Variants in SLC37A1 observed in about 807,000 individuals in gnomAD.
SLC37A1 encodes the protein glucose-6-phosphate exchanger SLC37A1.
In SLC37A1, 49 loss-of-function variants were observed where a neutral mutation model predicts 75.3. The ratio of observed to expected loss-of-function variants is 0.65; its 90% CI spans 0.52 to 0.83. The LOEUF (loss-of-function observed/expected upper bound fraction) is 0.83. SLC37A1 is among the 40% of genes least tolerant of loss of function. The pLI is 0.00. For missense variants in SLC37A1, 566 were observed against 695.0 expected, an observed-to-expected ratio of 0.81 and a Z score of 2.09; for synonymous variants, 268 against 292.1, an observed-to-expected ratio of 0.92 and a Z score of 0.84.
rs146604220 is a variant in SLC37A1, at chr21:42,567,002, G to A, written c.1288G>A (p.Gly430Arg). The change falls in exon 16 of 20, where the codon GGA becomes AGA. Residue 430 changes from glycine (G) to arginine (R), a missense_variant. Coordinates refer to ENST00000352133, the MANE Select transcript of SLC37A1 (RefSeq NM_001320537.2). Reference sequence around the variant, plus strand: ...TCCCACAGCCATGCTGCTGCTCAGCGGAGCCCTGGTCAGTGGGCCCTACAC... The same window carrying A: ...TCCCACAGCCATGCTGCTGCTCAGCAGAGCCCTGGTCAGTGGGCCCTACAC... ...EATIAMLLLS[G>R]ALVSGPYTLI... The A allele has an allele frequency of 1.1e-5, 18 of 1,607,936 alleles. No individual in the cohort carries two copies. Among genetic ancestry groups the A allele is most frequent in the African/African-American group, 5.3e-5 (4 of 74,922 alleles).
At chr21:42,541,685 A>C (rs1175056781) in intron 6 of SLC37A1, among the ~76,000 whole-genome samples, 2 of 152,250 alleles carry the variant, frequency 1.3e-5, no homozygotes, top group African/African-American at 4.8e-5. Flanking sequence ...CATGTTTATC[A>C]TACAATTCTA....
chr21:42,574,690 G>A, intron 17 of SLC37A1, 128 bp from the exon 18 acceptor site: 1 of 809,086 alleles, frequency 1.2e-6, no homozygotes, highest in Non-Finnish European at 2.0e-6. Flanking sequence ...GCCAGGATGA[G>A]GTAGTGTAGT....
chr21:42,536,493 A>G (rs1432552708), intron 5 of SLC37A1, among the ~76,000 whole-genome samples: 4 of 152,156 alleles, frequency 2.6e-5, no homozygotes, highest in Non-Finnish European at 5.9e-5. Context: ...TAAAGGCAGT[A>G]TAGGGATGTT....
intron 16 of SLC37A1, among the ~76,000 whole-genome samples, chr21:42,567,510 G>A (rs568016803): frequency 2.6e-4 from 39 of 152,340 alleles, no homozygotes; most frequent in African/African-American, 9.4e-4. Flanking sequence ...GTCTACATGG[G>A]CATGGAAAAT....
chr21:42,536,716 A>T (rs1256426616), intron 5 of SLC37A1, among the ~76,000 whole-genome samples: 3 of 152,182 alleles, frequency 2.0e-5, no homozygotes, highest in African/African-American at 7.2e-5. Flanking sequence ...TACAAAACAG[A>T]CACAGCACAG....
chr21:42,546,021 C>T (rs2055399389), intron 8 of SLC37A1, among the ~76,000 whole-genome samples: 1 of 152,232 alleles, frequency 6.6e-6, no homozygotes, highest in East Asian at 1.9e-4. Context: ...TCTATGATGT[C>T]ACCCTGTGTT....
chr21:42,534,727 G>T lies in SLC37A1; in HGVS notation c.168G>T (p.Trp56Cys). The T allele has an allele frequency of 6.2e-7, 1 of 1,613,960 alleles. No homozygotes were observed. The highest frequency in any genetic ancestry group is 8.5e-7 in the Non-Finnish European group (1 of 1,179,954). The change falls in exon 4 of 20, where the codon TGG (tryptophan) becomes TGT (cysteine). Residue 56 changes from tryptophan to cysteine, a missense_variant. Trp to Cys is a radical substitution (Grantham distance 215). Transcript: ENST00000352133. The part of the protein sequence containing the change: ...KGELHKYCTA[W>C]DEADVRFSSQ... The stretch of plus-strand genomic sequence containing the variant: ...AGCTCCACAAGTACTGCACTGCTTG[G>T]GATGAAGCTGACGTCAGGTTCAGCA...
intron 17 of SLC37A1, among the ~76,000 whole-genome samples, chr21:42,571,589 G>C (rs9941834): frequency 6.6e-6 from 1 of 151,786 alleles, no homozygotes; most frequent in Non-Finnish European, 1.5e-5. Context: ...GCTTACCTAC[G>C]TATTTCCATG....
At chr21:42,517,414 C>T (rs968012795) in intron 1 of SLC37A1, among the ~76,000 whole-genome samples, 1 of 152,146 alleles carries the variant, frequency 6.6e-6, no homozygotes, top group African/African-American at 2.4e-5. Context: ...TGAGGGGCGG[C>T]TCCTGGGACG....
chr21:42,544,913 C>T (rs2055369045), intron 8 of SLC37A1, among the ~76,000 whole-genome samples: 1 of 152,128 alleles, frequency 6.6e-6, no homozygotes, highest in Non-Finnish European at 1.5e-5. Flanking sequence ...GTGTCTCCTG[C>T]CTGAGGGTAG....
intron 3 of SLC37A1, among the ~76,000 whole-genome samples, chr21:42,533,374 A>G (rs1238445563): frequency 6.6e-6 from 1 of 152,204 alleles, no homozygotes; most frequent in Non-Finnish European, 1.5e-5. Context: ...GTGCAGAATG[A>G]TCACTACAGA....
upstream of SLC37A1, among the ~76,000 whole-genome samples, chr21:42,510,920 T>G (rs2054427260): frequency 6.6e-6 from 1 of 152,188 alleles, no homozygotes; most frequent in South Asian, 2.1e-4. Flanking sequence ...TACCCCATTT[T>G]CAACAATGAA....
rs556802735 is a variant in SLC37A1 at position 42,534,132 on chromosome 21, G to A, written c.139-566G>A. 2.0e-5 allele frequency among the ~76,000 whole-genome samples: 3 copies of A among 152,226 alleles called. No individual in the cohort carries two copies. The East Asian group carries it at 5.8e-4, about 29-fold the overall frequency. On this transcript the variant is annotated intron_variant, in intron 3 of 19. Coordinates refer to ENST00000352133, the MANE Select transcript of SLC37A1 (RefSeq NM_001320537.2). ...CCACATTGTCCCCCTTTAGGTAACC[G>A]TGACTCTCACCTCTAGCCGCATGGA...
At chr21:42,511,029 G>A (rs1423558753), upstream of SLC37A1, among the ~76,000 whole-genome samples, 2 of 152,180 alleles carry the variant, frequency 1.3e-5, no homozygotes, top group Non-Finnish European at 1.5e-5. Flanking sequence ...CCTTCCCCCA[G>A]CAGCTGAATG....
intron 5 of SLC37A1, among the ~76,000 whole-genome samples, chr21:42,538,584 GAAGGGCTCACGTCCATC>G (rs1164632524): frequency 6.6e-6 from 1 of 152,186 alleles, no homozygotes; most frequent in African/African-American, 2.4e-5. Flanking sequence ...TAATGCTTGT[GAAGGGCTCACGTCCATC>G]CGTGATACTC....
At chr21:42,530,621 CA>C in intron 3 of SLC37A1, among the ~76,000 whole-genome samples, 2 of 86,126 alleles carry the variant, frequency 2.3e-5, no homozygotes, top group Non-Finnish European at 5.4e-5. Context: ...CACACACACA[CA>C]CACACACACA....
intron 18 of SLC37A1, chr21:42,575,880 T>C (rs2056297405): frequency 2.0e-6 from 2 of 985,280 alleles, no homozygotes; most frequent in Admixed American, 1.2e-4. Flanking sequence ...GTTCTTTTAA[T>C]GCCTGAATGT....
chr21:42,515,341 C>T (rs1458485244), intron 1 of SLC37A1, among the ~76,000 whole-genome samples: 2 of 151,968 alleles, frequency 1.3e-5, no homozygotes, highest in Admixed American at 6.5e-5. Context: ...TCTCACCCAT[C>T]TTTGCCTGTA....
intron 2 of SLC37A1, among the ~76,000 whole-genome samples, chr21:42,506,008 C>T (rs2054381155): frequency 6.6e-6 from 1 of 152,198 alleles, no homozygotes; most frequent in South Asian, 2.1e-4. Flanking sequence ...CCATGTGACA[C>T]ATTTAATAAG....
Sources: allele counts gnomAD v4.1 joint callset (sites outside exome capture counted in the v4.1 genomes callset), GRCh38; gene constraint gnomAD v4.1.1; transcripts MANE v1.5; gene names NCBI Gene and HGNC (gene_info 2026-07-23, HGNC 2026-07-21).